PALM: variants seen among roughly 807,000 people sequenced by gnomAD.
The protein encoded by PALM is paralemmin.
Under a neutral mutation model 30.7 loss-of-function variants are expected in PALM, and 18 were observed. That is an observed-to-expected ratio of 0.59 (90% CI 0.41 to 0.87). The LOEUF (loss-of-function observed/expected upper bound fraction) is 0.87. Ranked by LOEUF, PALM falls within the 40% of genes least tolerant of loss-of-function variation. The probability of loss-of-function intolerance (pLI) is 0.00; values close to 1 mark genes in which losing one functional copy is unlikely to be tolerated. For missense variants in PALM, 529 were observed against 555.4 expected (o/e 0.95, Z 0.48); for synonymous variants, 286 against 242.8 (o/e 1.18, Z -1.66).
chr19:723,477 G>A (rs8106136), intron 1 of PALM, among the ~76,000 whole-genome samples: 2,585 of 152,158 alleles, frequency 0.017, 67 homozygotes, highest in African/African-American at 0.058. Flanking sequence ...AACCCCTACC[G>A]TCCTCTCCCT....
intron 5 of PALM, among the ~76,000 whole-genome samples, chr19:731,672 T>C (rs1599155870): frequency 6.7e-6 from 1 of 150,328 alleles, no homozygotes; most frequent in African/African-American, 2.4e-5. Context: ...TCATAGTGTT[T>C]TTTTGCTTTT....
At chr19:734,241 GC>G in intron 6 of PALM, 47 bp downstream of exon 6, 1 of 1,587,594 alleles carries the variant, frequency 6.3e-7, no homozygotes, top group Non-Finnish European at 8.6e-7. Flanking sequence ...CACTCTGGTG[GC>G]CAGAGAGGGG....
At chr19:713,824 C>T (rs1036430795) in intron 1 of PALM, among the ~76,000 whole-genome samples, 7 of 151,718 alleles carry the variant, frequency 4.6e-5, no homozygotes, top group Admixed American at 4.6e-4. Context: ...TCAAGTGATC[C>T]GCCTGCCTCA....
Position 709,209 on chromosome 19 carries a change from G to A in PALM, c.5+58G>A, listed in dbSNP as rs564807726. 5.3e-4 allele frequency: 164 copies of A among 307,148 alleles called. No homozygotes were observed. Among genetic ancestry groups the A allele is most frequent in the Non-Finnish European group, 7.7e-4 (129 of 166,880 alleles). 19.0% of individuals were successfully genotyped at this position (307,148 alleles called of 1,614,324 possible). A position where few individuals can be genotyped will look rare whatever the true frequency, so the allele number is the denominator to read the frequency against. On this transcript the variant is annotated intron_variant, in intron 1 of 8. Transcript: ENST00000338448. The surrounding 1 kb of genome is among the most constrained non-coding windows in gnomAD (Gnocchi z 4.3). ...GGCCCGGAGCTCCGGGAGCCGGGGA[G>A]GGGGGAGGCCCCCTCTCTCGCGCCC...
At chr19:710,788 G>A (rs1406025205) in intron 1 of PALM, among the ~76,000 whole-genome samples, 1 of 152,164 alleles carries the variant, frequency 6.6e-6, no homozygotes, top group Non-Finnish European at 1.5e-5. Context: ...ATTGCTTTTG[G>A]GGATGCAGAC....
At chr19:745,104 T>C (rs1408373543) in intron 8 of PALM, among the ~76,000 whole-genome samples, 1 of 152,076 alleles carries the variant, frequency 6.6e-6, no homozygotes, top group Non-Finnish European at 1.5e-5. Context: ...TGCTTGAACC[T>C]GGAAGGTGGA....
At position 727,744 on chromosome 19, in the gene PALM, C is replaced by T. The variant is rs376119620; in HGVS notation, c.269+50C>T. The stretch of plus-strand genomic sequence containing the variant: ...CCGGGCTGGGTGGGGCCTCGGGGGC[C>T]GCTGGCTCCCGGGAGGGTGTGGGCT... On this transcript the variant is annotated intron_variant, in intron 4 of 8. Transcript: ENST00000338448. 6.4e-4 allele frequency: 942 copies of T among 1,483,346 alleles called. 1 individual carries two copies. Among genetic ancestry groups the T allele is most frequent in the Non-Finnish European group, 7.5e-4 (824 of 1,105,340 alleles). 91.9% of individuals were successfully genotyped at this position (1,483,346 alleles called of 1,614,324 possible).
At position 731,077 on chromosome 19, in the gene PALM, G is replaced by T; in HGVS notation, c.270-18G>T. ...CGGGGATGCAGGAGTCACCCTCACA[G>T]GCACACCCTCTCCCCAGGTTGGAGA... On this transcript the variant is annotated intron_variant, in intron 4 of 8. Transcript: ENST00000338448. 2 of 1,540,202 alleles carry T rather than the reference G, an allele frequency of 1.3e-6. No individual in the cohort carries two copies. Among genetic ancestry groups the T allele is most frequent in the Non-Finnish European group, 8.8e-7 (1 of 1,137,512 alleles).
chr19:726,985 A>AGCCCCCCCCCCCCCC, intron 2 of PALM, 23 bp from the exon 3 acceptor site: 1 of 945,366 alleles, frequency 1.1e-6, no homozygotes, highest in African/African-American at 1.6e-5. Context: ...CCCATCCCTG[A>AGCCCCCCCCCCCCCC]CCCCACCCGG....
At chr19:715,364 T>A (rs1044700432) in intron 1 of PALM, among the ~76,000 whole-genome samples, 5 of 152,212 alleles carry the variant, frequency 3.3e-5, no homozygotes, top group Admixed American at 3.3e-4. Flanking sequence ...ATTTGTTTAT[T>A]GAACAAATAA....
rs752320878 is a variant in PALM at position 731,288 on chromosome 19, C to G, written c.420+43C>G. 18 of 1,534,206 alleles carry G rather than the reference C, an allele frequency of 1.2e-5. No individual in the cohort carries two copies. The African/African-American group carries it at 2.2e-4, about 19-fold the overall frequency. On this transcript the variant is annotated intron_variant, in intron 5 of 8. Coordinates refer to ENST00000338448, the MANE Select transcript of PALM (RefSeq NM_002579.3). ...GGGAGCGGATCCCCAGGCACCCACTCCCGCTGGCCCCAGAGCGAGGCCCCA... is the reference window on the plus strand; with the variant it reads ...GGGAGCGGATCCCCAGGCACCCACTGCCGCTGGCCCCAGAGCGAGGCCCCA...
intron 8 of PALM, among the ~76,000 whole-genome samples, chr19:744,894 A>G (rs904773344): frequency 5.1e-5 from 6 of 117,198 alleles, no homozygotes; most frequent in Non-Finnish European, 1.0e-4. Context: ...TCAAAAAAAA[A>G]AAGCAGCAGG....
In PALM at chr19:727,610, C is replaced by G; in HGVS notation, c.185C>G (p.Ser62Trp). Reference sequence around the variant, plus strand: ...TGGCTGCTGGAGGGGACGCCGTCCTCGGCCTCAGAGGGGGATGAGGACCTG... The same window carrying G: ...TGGCTGCTGGAGGGGACGCCGTCCTGGGCCTCAGAGGGGGATGAGGACCTG... ...ERWLLEGTPSSASEGDEDLRR... is the reference protein window; with the variant it reads ...ERWLLEGTPSWASEGDEDLRR... Residue 62 changes from serine to tryptophan, a missense_variant, in exon 4 of 9, where the codon TCG becomes TGG. Physicochemically the swap from Ser to Trp is radical, Grantham distance 177 (BLOSUM62 -3). Coordinates refer to ENST00000338448, the MANE Select transcript of PALM (RefSeq NM_002579.3). 2 of 1,581,212 alleles carry G rather than the reference C, an allele frequency of 1.3e-6. No individual in the cohort carries two copies. The highest frequency in any genetic ancestry group is 2.3e-5 in the South Asian group (2 of 86,512).
In PALM at chr19:746,757, C is replaced by T. The variant is rs780716892; in HGVS notation, c.1107C>T (p.Ser369=). The change falls in exon 9 of 9, where the codon AGC becomes AGT. Residue 369 remains serine (S), a synonymous_variant. Transcript: ENST00000338448. This position sits in a 1 kb window ranked among gnomAD's most constrained non-coding sequence, Gnocchi z 7.1. ...ENQAGPEATT[S]DPQDLDMKKH... is the part of the protein sequence containing the mutation. ...AGGCGGGGCCCGAGGCCACCACCAG[C>T]GACCCCCAGGACCTCGACATGAAGA... The T allele has an allele frequency of 1.4e-5, 23 of 1,594,892 alleles. No homozygotes were observed. Among genetic ancestry groups the T allele is most frequent in the African/African-American group, 8.0e-5 (6 of 74,560 alleles).
chr19:726,996 C>CCCCCAA lies in PALM; in HGVS notation c.58-10_58-9insCCAACC. On this transcript the variant is annotated splice_polypyrimidine_tract_variant and intron_variant, in intron 2 of 8. Transcript: ENST00000338448. ...CACGCCCATCCCTGACCCCACCCGG[C>CCCCCAA]CCTCCCCACAGGAGAAGCGGAAGCG... The CCCCCAA allele has an allele frequency of 7.5e-7, 1 of 1,335,668 alleles. No individual in the cohort carries two copies. The highest frequency in any genetic ancestry group is 1.0e-6 in the Non-Finnish European group (1 of 961,980). 82.7% of individuals were successfully genotyped at this position (1,335,668 alleles called of 1,614,324 possible).
At chr19:736,447 A>G (rs9304945) in intron 7 of PALM, among the ~76,000 whole-genome samples, 122,068 of 152,218 alleles carry the variant, frequency 0.8, 49,303 homozygotes, top group African/African-American at 0.89. Context: ...TACCTGCTCC[A>G]GTCCTCGGGC....
intron 1 of PALM, 75 bp from the exon 2 acceptor site, chr19:726,063 A>G (rs2066580621): frequency 1.8e-6 from 2 of 1,140,468 alleles, no homozygotes; most frequent in Admixed American, 3.4e-5. Flanking sequence ...GAAGAGGCAG[A>G]GCTGGGATTT....
intron 3 of PALM, 41 bp downstream of exon 3, chr19:727,129 G>A (rs1030710384): frequency 2.0e-5 from 27 of 1,356,432 alleles, no homozygotes; most frequent in Admixed American, 1.2e-4. Context: ...GAGTGCAGGC[G>A]GCTGTGAGGC....
rs777782500 is a variant in PALM at position 727,722 on chromosome 19, G to C, written c.269+28G>C. 18 of 1,520,840 alleles carry C rather than the reference G, an allele frequency of 1.2e-5. No individual in the cohort carries two copies. In the African/African-American group the frequency reaches 2.3e-4, roughly 20 times the overall value. 94.2% of individuals were successfully genotyped at this position (1,520,840 alleles called of 1,614,324 possible). On this transcript the variant is annotated intron_variant, in intron 4 of 8. Transcript: ENST00000338448. ...GGGGGCTGCAGCGTGGGTGCCACCG[G>C]GCTGGGTGGGGCCTCGGGGGCCGCT...
Sources: gnomAD v4.1 joint callset for allele counts (sites outside exome capture counted in the v4.1 genomes callset) on GRCh38, gnomAD v4.1.1 for gene constraint, Gnocchi (gnomAD v3.1) non-coding constraint, MANE v1.5 for transcripts, NCBI Gene and HGNC (gene_info 2026-07-23, HGNC 2026-07-21) for gene names.